The following AGAP6 variants were observed in gnomAD, a reference collection of about 807,000 sequenced individuals.
AGAP6 encodes the protein ArfGAP with GTPase domain, ankyrin repeat and PH domain 6.
AGAP6 carries 29 observed loss-of-function variants against 63.9 expected under a neutral mutation model. The ratio of observed to expected loss-of-function variants is 0.45; its 90% confidence interval spans 0.34 to 0.62. AGAP6 has a LOEUF of 0.62. Among genes scored for constraint, AGAP6 ranks in the 20% least tolerant of loss-of-function variants. The probability of loss-of-function intolerance (pLI) is 0.01; values close to 1 mark genes in which losing one functional copy is unlikely to be tolerated. For missense variants in AGAP6, 493 were observed against 884.9 expected (o/e 0.56, Z 5.62); for synonymous variants, 199 against 332.9 (o/e 0.60, Z 4.38).
chr10:50,008,045 G>A lies in AGAP6; in HGVS notation c.554G>A (p.Ser185Asn). The A allele has an allele frequency of 6.2e-7, 1 of 1,611,894 alleles. No homozygotes were observed. Among genetic ancestry groups the A allele is most frequent in the Non-Finnish European group, 8.5e-7 (1 of 1,179,836 alleles). The change falls in exon 7 of 8, where the codon AGC (serine) becomes AAC (asparagine). Residue 185 changes from serine to asparagine, a missense_variant. By Grantham distance (46) the Ser-to-Asn change is conservative. Coordinates refer to ENST00000412531, the MANE Select transcript of AGAP6 (RefSeq NM_001077665.3). ...ITQRDADRTL[S>N]IPDEQLHSFA... ...TATAGAGATGCAGATAGAACTTTGAGCATACCTGATGAACAGTTACACTCA... is the reference window on the plus strand; with the variant it reads ...TATAGAGATGCAGATAGAACTTTGAACATACCTGATGAACAGTTACACTCA...
intron 4 of AGAP6, among the ~76,000 whole-genome samples, chr10:49,997,698 T>C (rs1841542863): frequency 6.6e-6 from 1 of 151,890 alleles, no homozygotes; most frequent in African/African-American, 2.4e-5. Context: ...CTAAGTTCTT[T>C]AGTGATGATT....
intron 5 of AGAP6, among the ~76,000 whole-genome samples, chr10:50,004,277 A>C (rs1841821396): frequency 6.7e-6 from 1 of 150,020 alleles, no homozygotes; most frequent in Non-Finnish European, 1.5e-5. Context: ...AATCGCTTGA[A>C]CCTGGGTGGT....
At chr10:49,997,687 C>A (rs2490918) in intron 4 of AGAP6, among the ~76,000 whole-genome samples, 16 of 152,002 alleles carry the variant, frequency 1.1e-4, no homozygotes, top group Non-Finnish European at 1.9e-4. Context: ...TGGTGACATG[C>A]CTAAGTTCTT....
chr10:49,998,695 C>T (rs1189358670), intron 4 of AGAP6, among the ~76,000 whole-genome samples: 3 of 141,876 alleles, frequency 2.1e-5, no homozygotes, highest in Non-Finnish European at 4.5e-5. Context: ...TTTGGCTATG[C>T]CGGTTCTTGT....
chr10:49,992,326 C>T (rs1176821283), intron 3 of AGAP6, among the ~76,000 whole-genome samples: 2 of 152,004 alleles, frequency 1.3e-5, no homozygotes, highest in Non-Finnish European at 2.9e-5. Context: ...GCTTATTTCC[C>T]TCAATGTTAT....
At position 49,997,991 on chromosome 10, in the gene AGAP6, C is replaced by CATATAT. The variant is rs4043250; in HGVS notation, c.396+3581_396+3586dup. Among the ~76,000 whole-genome samples, 266 of 124,236 alleles carry CATATAT rather than the reference C, an allele frequency of 2.1e-3. 24 individuals carry two copies. The highest frequency in any genetic ancestry group is 8.0e-3 in the Middle Eastern group (2 of 250). The allele number at this position is 124,236 out of a possible 152,430, so 81.5% of individuals were successfully genotyped here. A position where few individuals can be genotyped will look rare whatever the true frequency, so the allele number is the denominator to read the frequency against. On this transcript the variant is annotated intron_variant, in intron 4 of 7. Coordinates refer to ENST00000412531, the MANE Select transcript of AGAP6 (RefSeq NM_001077665.3). Reference sequence around the variant, plus strand: ...TTATTATGGCTGAGGTGGAATTCCTCATATATATATATATATATATATATG... The same window carrying CATATAT: ...TTATTATGGCTGAGGTGGAATTCCTCATATATATATATATATATATATATATATATG...
rs1564716168 is a variant in AGAP6, at chr10:50,008,773, C to G, written c.648C>G (p.Ser216=). 6.2e-7 allele frequency: 1 copy of G among 1,614,120 alleles called. No individual in the cohort carries two copies. Among genetic ancestry groups the G allele is most frequent in the African/African-American group, 1.3e-5 (1 of 75,020 alleles). The change falls in exon 8 of 8, where the codon TCC becomes TCG. Residue 216 remains serine (S), a synonymous_variant. Coordinates refer to ENST00000412531, the MANE Select transcript of AGAP6 (RefSeq NM_001077665.3). ...NGGGSLNNYS[S]SIPSTPSTSQ... is the part of the protein sequence containing the mutation. Reference sequence around the variant, plus strand: ...GTGGGAGTTTAAATAACTATTCCTCCTCCATTCCATCGACTCCCAGCACCA... The same window carrying G: ...GTGGGAGTTTAAATAACTATTCCTCGTCCATTCCATCGACTCCCAGCACCA...
In AGAP6 at chr10:49,992,526, G is replaced by T. The variant is rs1233574730; in HGVS notation, c.361+782G>T. 6.6e-5 allele frequency among the ~76,000 whole-genome samples: 10 copies of T among 152,144 alleles called. No individual in the cohort carries two copies. The South Asian group carries it at 2.1e-3, about 32-fold the overall frequency. ...GCCCATCTTGAGTCAGTTATTTCTGGTTAGAATTTGTCTTCATTTTTTACA... is the reference window on the plus strand; with the variant it reads ...GCCCATCTTGAGTCAGTTATTTCTGTTTAGAATTTGTCTTCATTTTTTACA... On this transcript the variant is annotated intron_variant, in intron 3 of 7. Coordinates refer to ENST00000412531, the MANE Select transcript of AGAP6 (RefSeq NM_001077665.3).
At chr10:50,005,197 T>A (rs1841869630) in intron 6 of AGAP6, among the ~76,000 whole-genome samples, 1 of 152,254 alleles carries the variant, frequency 6.6e-6, no homozygotes, top group South Asian at 2.1e-4. Context: ...AAAATAACTT[T>A]TCTACAACAA....
At chr10:49,993,938 T>A (rs1228090150) in intron 3 of AGAP6, among the ~76,000 whole-genome samples, 1 of 152,178 alleles carries the variant, frequency 6.6e-6, no homozygotes, top group Admixed American at 6.5e-5. Flanking sequence ...TGGTTCAAGA[T>A]GCTTACAGGG....
intron 5 of AGAP6, among the ~76,000 whole-genome samples, chr10:50,003,423 C>T (rs1464573259): frequency 2.6e-5 from 4 of 152,028 alleles, no homozygotes; most frequent in African/African-American, 9.7e-5. Flanking sequence ...TGTATCTTCC[C>T]ATCTCCACTT....
At chr10:49,995,940 C>A (rs554246350) in intron 4 of AGAP6, among the ~76,000 whole-genome samples, 53 of 152,196 alleles carry the variant, frequency 3.5e-4, no homozygotes, top group African/African-American at 1.2e-3. Flanking sequence ...TTTTTAGAAT[C>A]TCTCTCTCTA....
In AGAP6 at chr10:50,009,146, C is replaced by T. The variant is rs1842020188; in HGVS notation, c.1021C>T (p.Pro341Ser). The part of the protein sequence containing the change: ...IDLQTSTIKV[P>S]GKWPSLATSA... ...CCTTCAGACATCTACCATCAAAGTC[C>T]CAGGAAAGTGGCCATCCCTAGCCAC... Residue 341 changes from proline (P) to serine (S), a missense_variant, in exon 8 of 8, where the codon CCA becomes TCA. Physicochemically the swap from Pro to Ser is moderately conservative, Grantham distance 74. Coordinates refer to ENST00000412531, the MANE Select transcript of AGAP6 (RefSeq NM_001077665.3). 1 of 1,613,960 alleles carries T rather than the reference C, an allele frequency of 6.2e-7. No individual in the cohort carries two copies. The highest frequency in any genetic ancestry group is 1.3e-5 in the African/African-American group (1 of 74,906).
intron 2 of AGAP6, among the ~76,000 whole-genome samples, chr10:49,991,434 T>A (rs1345722690): frequency 2.7e-5 from 4 of 149,936 alleles, no homozygotes; most frequent in African/African-American, 9.8e-5. Flanking sequence ...TGTGTTACTC[T>A]TGCTGGCCTC....
At chr10:49,995,946 C>T (rs1841469420) in intron 4 of AGAP6, among the ~76,000 whole-genome samples, 1 of 152,134 alleles carries the variant, frequency 6.6e-6, no homozygotes, top group Non-Finnish European at 1.5e-5. Context: ...GAATCTCTCT[C>T]TCTAAGGTTC....
intron 6 of AGAP6, among the ~76,000 whole-genome samples, chr10:50,005,775 C>T (rs532664591): frequency 2.0e-5 from 3 of 149,914 alleles, no homozygotes; most frequent in Non-Finnish European, 4.5e-5. Flanking sequence ...CAAAAAATGG[C>T]TGGGCGTGGT....
chr10:49,995,738 G>C (rs1409623462), intron 4 of AGAP6, among the ~76,000 whole-genome samples: 8 of 152,156 alleles, frequency 5.3e-5, no homozygotes, highest in Admixed American at 3.3e-4. Context: ...TCTAGTTGTA[G>C]TTGAACACAT....
At chr10:49,993,964 G>C (rs1169184868) in intron 3 of AGAP6, among the ~76,000 whole-genome samples, 16 of 152,148 alleles carry the variant, frequency 1.1e-4, no homozygotes, top group African/African-American at 3.6e-4. Context: ...GTTGCATCTA[G>C]AGATAGGTGT....
chr10:50,005,419 G>A (rs1441840640), intron 6 of AGAP6, among the ~76,000 whole-genome samples: 37 of 152,258 alleles, frequency 2.4e-4, no homozygotes, highest in African/African-American at 6.5e-4. Context: ...AGACCATCCT[G>A]GCTAACACGG....
Sources: allele counts gnomAD v4.1 joint callset (sites outside exome capture counted in the v4.1 genomes callset), GRCh38; gene constraint gnomAD v4.1.1; transcripts MANE v1.5; gene names NCBI Gene and HGNC (gene_info 2026-07-23, HGNC 2026-07-21).